SAXO1: variants seen among roughly 807,000 people sequenced by gnomAD.
SAXO1 encodes 4930500O09Rik.
In SAXO1, 21 loss-of-function variants were observed where a neutral mutation model predicts 17.5. The observed-to-expected ratio is 1.20, with a 90% confidence interval of 0.85 to 1.72. The LOEUF (loss-of-function observed/expected upper bound fraction) is 1.72, where lower values mean the gene tolerates loss of function less well. Among genes scored for constraint, SAXO1 ranks in the 40% most tolerant of loss-of-function variants. SAXO1 has a pLI of 0.00. For synonymous variants in SAXO1, 274 were observed against 216.5 expected (o/e 1.27, Z -2.33); for missense variants, 843 against 596.0 (o/e 1.41, Z -4.32).
intron 1 of SAXO1, among the ~76,000 whole-genome samples, chr9:18,986,582 C>G (rs12552916): frequency 6.7e-6 from 1 of 150,148 alleles, no homozygotes; most frequent in Non-Finnish European, 1.5e-5. Context: ...TGTAGCATAA[C>G]AGAACTCAAG....
intron 1 of SAXO1, among the ~76,000 whole-genome samples, chr9:19,048,221 T>G (rs1836266369): frequency 6.6e-6 from 1 of 152,150 alleles, no homozygotes; most frequent in African/African-American, 2.4e-5. Flanking sequence ...ATCCCACACT[T>G]TAGGAGGCCG....
At position 18,973,223 on chromosome 9, in the gene SAXO1, G is replaced by A. The variant is rs189465837; in HGVS notation, c.39-22286C>T. ...AGGTAGTTACCAGGTAAAGGTTGGT[G>A]AAAACTCTAATGGAATAACTGGTTT... On this transcript the variant is annotated intron_variant, in intron 1 of 3. Coordinates refer to ENST00000380534, the MANE Select transcript of SAXO1 (RefSeq NM_153707.4). Among the ~76,000 whole-genome samples, 4 of 152,320 alleles carry A rather than the reference G, an allele frequency of 2.6e-5. No individual in the cohort carries two copies. The East Asian group carries it at 7.7e-4, about 29-fold the overall frequency.
At chr9:18,961,012 G>C (rs190872598) in intron 1 of SAXO1, among the ~76,000 whole-genome samples, 42 of 152,198 alleles carry the variant, frequency 2.8e-4, no homozygotes, top group Admixed American at 2.4e-3. Flanking sequence ...ACATGATTTT[G>C]TCAAAACTCA....
At chr9:18,960,583 G>A (rs888756696) in intron 1 of SAXO1, among the ~76,000 whole-genome samples, 5 of 152,074 alleles carry the variant, frequency 3.3e-5, no homozygotes, top group African/African-American at 1.2e-4. Flanking sequence ...TTTGAGACCA[G>A]CCTGGGTAAC....
chr9:18,930,597 T>C (rs2131667940), intron 3 of SAXO1, among the ~76,000 whole-genome samples: 1 of 152,266 alleles, frequency 6.6e-6, no homozygotes, highest in East Asian at 1.9e-4. Flanking sequence ...CCTCCCAGGT[T>C]CAAGCGATTC....
At chr9:19,017,429 A>G (rs1342638299) in intron 1 of SAXO1, among the ~76,000 whole-genome samples, 1 of 152,256 alleles carries the variant, frequency 6.6e-6, no homozygotes, top group Non-Finnish European at 1.5e-5. Context: ...GTGACAGTGA[A>G]GAATTCATTC....
rs140692449 is a variant in SAXO1, at chr9:18,977,146, G to A, written c.39-26209C>T. ...GTTGCCTTCTCTTATAAACTGGCAT[G>A]AGACAGTTATAATAAATTTGTTGCC... On this transcript the variant is annotated intron_variant, in intron 1 of 3. Coordinates refer to ENST00000380534, the MANE Select transcript of SAXO1 (RefSeq NM_153707.4). 2.4e-3 allele frequency among the ~76,000 whole-genome samples: 369 copies of A among 152,304 alleles called. 1 individual carries two copies. Among genetic ancestry groups the A allele is most frequent in the African/African-American group, 8.5e-3 (352 of 41,558 alleles).
chr9:18,955,582 CTCTT>C lies in SAXO1; in HGVS notation c.39-4649_39-4646del, dbSNP rs1832226269. On this transcript the variant is annotated intron_variant, in intron 1 of 3. Transcript: ENST00000380534. ...TTTTGTTGATTAATACAATATCCGT[CTCTT>C]TCTTAGGCTTTCTCTGACCTGTCTT... Among the ~76,000 whole-genome samples the C allele has an allele frequency of 2.0e-5, 3 of 152,210 alleles. 1 individual carries two copies. The highest frequency in any genetic ancestry group is 7.2e-5 in the African/African-American group (3 of 41,452).
intron 1 of SAXO1, among the ~76,000 whole-genome samples, chr9:19,007,264 T>G (rs1444182026): frequency 1.0e-4 from 15 of 143,202 alleles, no homozygotes; most frequent in East Asian, 8.5e-4. Context: ...GGAAAATCGC[T>G]TGAACCCGGG....
chr9:18,970,894 T>C (rs904173597), intron 1 of SAXO1, among the ~76,000 whole-genome samples: 1 of 152,172 alleles, frequency 6.6e-6, no homozygotes, highest in Non-Finnish European at 1.5e-5. Flanking sequence ...CCCCAAAACT[T>C]AGCCCGAGGT....
intron 2 of SAXO1, among the ~76,000 whole-genome samples, chr9:18,945,232 C>A (rs1402640027): frequency 1.3e-5 from 2 of 152,160 alleles, no homozygotes; most frequent in Non-Finnish European, 2.9e-5. Context: ...ATCTGATTCC[C>A]CTCACTCCTG....
intron 1 of SAXO1, 120 bp downstream of exon 1, chr9:19,032,751 G>T: frequency 1.9e-6 from 2 of 1,063,734 alleles, no homozygotes; most frequent in Non-Finnish European, 2.7e-6. Flanking sequence ...CTTAAAAAAC[G>T]TAGCAAGTGG....
intron 3 of SAXO1, among the ~76,000 whole-genome samples, chr9:18,933,352 A>G (rs1831137700): frequency 6.6e-6 from 1 of 152,228 alleles, no homozygotes; most frequent in Non-Finnish European, 1.5e-5. Flanking sequence ...AATTCCCAGA[A>G]TAAATCTCAT....
chr9:18,955,911 C>T (rs1007122147), intron 1 of SAXO1, among the ~76,000 whole-genome samples: 1 of 150,684 alleles, frequency 6.6e-6, no homozygotes, highest in Admixed American at 6.7e-5. Flanking sequence ...TTCTACTGCA[C>T]AGCCTTGCAT....
At chr9:19,017,399 T>A (rs575886696) in intron 1 of SAXO1, among the ~76,000 whole-genome samples, 2 of 151,998 alleles carry the variant, frequency 1.3e-5, no homozygotes, top group Non-Finnish European at 2.9e-5. Flanking sequence ...GATGAAAAAA[T>A]ATTTTTTTAA....
intron 1 of SAXO1, among the ~76,000 whole-genome samples, chr9:19,023,927 C>T (rs1307898873): frequency 1.3e-5 from 2 of 150,406 alleles, no homozygotes; most frequent in Non-Finnish European, 2.9e-5. Flanking sequence ...TTGCTTGAGC[C>T]CAGGAGTTTG....
intron 2 of SAXO1, among the ~76,000 whole-genome samples, chr9:18,942,808 C>G (rs867539478): frequency 2.0e-5 from 3 of 152,232 alleles, no homozygotes; most frequent in African/African-American, 7.2e-5. Flanking sequence ...CCAGGGCACT[C>G]GCAACTTCCC....
intron 3 of SAXO1, among the ~76,000 whole-genome samples, chr9:18,938,978 A>C (rs541346897): frequency 6.6e-6 from 1 of 151,770 alleles, no homozygotes; most frequent in Non-Finnish European, 1.5e-5. Context: ...AGCATTTTTC[A>C]CTCGCAGACC....
At chr9:18,955,891 C>G (rs757284614) in intron 1 of SAXO1, among the ~76,000 whole-genome samples, 1 of 152,062 alleles carries the variant, frequency 6.6e-6, no homozygotes, top group Admixed American at 6.6e-5. Flanking sequence ...GATTATGTCC[C>G]CACCTCTTCT....
Sources: allele counts gnomAD v4.1 joint callset (sites outside exome capture counted in the v4.1 genomes callset), GRCh38; gene constraint gnomAD v4.1.1; transcripts MANE v1.5; gene names NCBI Gene and HGNC (gene_info 2026-07-23, HGNC 2026-07-21).